PRKCA: variants seen among roughly 807,000 people sequenced by gnomAD.
PRKCA encodes the protein protein kinase C alpha.
PRKCA carries 27 observed loss-of-function variants against 87.0 expected under a neutral mutation model. The ratio of observed to expected loss-of-function variants is 0.31; its 90% CI spans 0.23 to 0.43. The LOEUF is 0.43. Among genes scored for constraint, PRKCA ranks in the 20% least tolerant of loss-of-function variants. The pLI, the probability that PRKCA is intolerant of heterozygous loss-of-function variation, is 1.00. For synonymous variants in PRKCA, 329 were observed against 311.1 expected (o/e 1.06, Z -0.61); for missense variants, 518 against 852.3 (o/e 0.61, Z 4.88).
chr17:66,527,094 G>T (rs904881699), intron 3 of PRKCA, among the ~76,000 whole-genome samples: 1 of 152,134 alleles, frequency 6.6e-6, no homozygotes, highest in Admixed American at 6.5e-5. Flanking sequence ...GTGGCCTGCA[G>T]AGTTGAAAAC....
chr17:66,519,510 T>A (rs1283013702), intron 3 of PRKCA, among the ~76,000 whole-genome samples: 1 of 152,118 alleles, frequency 6.6e-6, no homozygotes, highest in African/African-American at 2.4e-5. Context: ...CCTCCCCACT[T>A]ATCAGCAAAT....
At chr17:66,531,196 C>T (rs955902686) in intron 3 of PRKCA, among the ~76,000 whole-genome samples, 3 of 152,232 alleles carry the variant, frequency 2.0e-5, no homozygotes, top group Admixed American at 6.5e-5. Flanking sequence ...CAGCAGGACT[C>T]CTGCATGTTC....
chr17:66,316,835 A>G (rs1260205872), intron 2 of PRKCA, among the ~76,000 whole-genome samples: 1 of 152,106 alleles, frequency 6.6e-6, no homozygotes, highest in Admixed American at 6.6e-5. Context: ...ATAAAGAACT[A>G]AAATATTTAC....
At chr17:66,585,151 C>T (rs1969555322) in intron 3 of PRKCA, among the ~76,000 whole-genome samples, 2 of 152,066 alleles carry the variant, frequency 1.3e-5, no homozygotes, top group Non-Finnish European at 2.9e-5. Context: ...ATAGGTGTGC[C>T]ATTTACATAG....
chr17:66,696,672 A>T (rs1486825902), intron 8 of PRKCA, among the ~76,000 whole-genome samples: 6 of 152,238 alleles, frequency 3.9e-5, no homozygotes, highest in African/African-American at 1.4e-4. Flanking sequence ...TGAGCATTAG[A>T]AATTGTTATC....
At chr17:66,401,731 A>AGT (rs1491338166) in intron 2 of PRKCA, among the ~76,000 whole-genome samples, 1 of 152,156 alleles carries the variant, frequency 6.6e-6, no homozygotes, top group Non-Finnish European at 1.5e-5. Context: ...ATGCCGGTTA[A>AGT]GTGTATGAGT....
chr17:66,589,876 C>T (rs1427952099), intron 3 of PRKCA, among the ~76,000 whole-genome samples: 1 of 152,130 alleles, frequency 6.6e-6, no homozygotes, highest in Admixed American at 6.5e-5. Flanking sequence ...TGAAACTTTC[C>T]ACCTCAGATC....
At chr17:66,720,259 A>C (rs1216060420) in intron 8 of PRKCA, among the ~76,000 whole-genome samples, 1 of 152,236 alleles carries the variant, frequency 6.6e-6, no homozygotes, top group Non-Finnish European at 1.5e-5. Flanking sequence ...GGAAGTGCCC[A>C]ACTGCAAAGG....
chr17:66,636,473 C>T lies in PRKCA; in HGVS notation c.289-4882C>T, dbSNP rs146740387. ...AAGTCCAGGCATGGGGTGCAGAAGT[C>T]GGGAATGCGGGACCTAGGAGGAAGT... On this transcript the variant is annotated intron_variant, in intron 3 of 16. Transcript: ENST00000413366. 5.6e-3 allele frequency among the ~76,000 whole-genome samples: 849 copies of T among 152,238 alleles called. 10 individuals carry two copies. The highest frequency in any genetic ancestry group is 0.019 in the African/African-American group (797 of 41,518).
chr17:66,654,561 G>C (rs1355842087), intron 5 of PRKCA, among the ~76,000 whole-genome samples: 1 of 152,228 alleles, frequency 6.6e-6, no homozygotes, highest in African/African-American at 2.4e-5. Context: ...GGCTCTGGCT[G>C]AGGGAAGATC....
At chr17:66,638,442 G>A (rs1236278591) in intron 3 of PRKCA, 2 of 152,054 alleles carry the variant, frequency 1.3e-5, no homozygotes, top group African/African-American at 4.8e-5. Context: ...TCTGTAAAAC[G>A]AGGATAATTA....
rs563944700 is a variant in PRKCA at position 66,531,342 on chromosome 17, C to T, written c.288+35059C>T. On this transcript the variant is annotated intron_variant, in intron 3 of 16. Transcript: ENST00000413366. ...GCCCTGCCTGAACTGCAGAGTCCTCCGAGGAGCTTTCAAATGAAGCATGGC... is the reference window on the plus strand; with the variant it reads ...GCCCTGCCTGAACTGCAGAGTCCTCTGAGGAGCTTTCAAATGAAGCATGGC... Among the ~76,000 whole-genome samples, 17 of 152,298 alleles carry T rather than the reference C, an allele frequency of 1.1e-4. No individual in the cohort carries two copies. The South Asian group carries it at 2.1e-3, about 19-fold the overall frequency.
chr17:66,569,744 C>T (rs999215185), intron 3 of PRKCA, among the ~76,000 whole-genome samples: 2 of 152,158 alleles, frequency 1.3e-5, no homozygotes, highest in African/African-American at 4.8e-5. Flanking sequence ...ATGTCACCAG[C>T]AGTCGTAAGA....
chr17:66,667,998 T>C (rs958950661), intron 5 of PRKCA, among the ~76,000 whole-genome samples: 4 of 152,228 alleles, frequency 2.6e-5, no homozygotes, highest in Non-Finnish European at 5.9e-5. Flanking sequence ...GAGAAATTTC[T>C]GTTGCCCGTT....
At chr17:66,605,194 T>C (rs1970171204) in intron 3 of PRKCA, among the ~76,000 whole-genome samples, 1 of 152,224 alleles carries the variant, frequency 6.6e-6, no homozygotes, top group South Asian at 2.1e-4. Flanking sequence ...CAACCTTTTA[T>C]TAGATGGCTA....
At position 66,748,091 on chromosome 17, in the gene PRKCA, C is replaced by A. The variant is rs570148370; in HGVS notation, c.1524+5331C>A. 1.4e-4 allele frequency among the ~76,000 whole-genome samples: 21 copies of A among 152,300 alleles called. No homozygotes were observed. The South Asian group carries it at 4.4e-3, about 32-fold the overall frequency. On this transcript the variant is annotated intron_variant, in intron 13 of 16. Transcript: ENST00000413366. ...GTGCATCCAACACGGTTGAAATTTC[C>A]AGGGAAGAAGCTTGCAGACGTGGTT...
intron 13 of PRKCA, among the ~76,000 whole-genome samples, chr17:66,768,626 T>C (rs991110149): frequency 2.0e-5 from 3 of 152,180 alleles, no homozygotes; most frequent in Admixed American, 6.5e-5. Context: ...AGTAAGCATG[T>C]CTTACCATGG....
chr17:66,577,982 C>A (rs1969293233), intron 3 of PRKCA, among the ~76,000 whole-genome samples: 1 of 152,056 alleles, frequency 6.6e-6, no homozygotes, highest in Non-Finnish European at 1.5e-5. Flanking sequence ...GTGCCATGGA[C>A]CAGCCAGAGT....
intron 3 of PRKCA, among the ~76,000 whole-genome samples, chr17:66,533,289 A>G (rs1396099317): frequency 6.6e-6 from 1 of 152,236 alleles, no homozygotes; most frequent in Admixed American, 6.5e-5. Flanking sequence ...GCGTAAAAGA[A>G]GAAATGTTTC....
Sources: gnomAD v4.1 joint callset for allele counts (sites outside exome capture counted in the v4.1 genomes callset) on GRCh38, gnomAD v4.1.1 for gene constraint, MANE v1.5 for transcripts, NCBI Gene and HGNC (gene_info 2026-07-23, HGNC 2026-07-21) for gene names.